The following FSTL4 variants were observed in gnomAD, a reference collection of about 807,000 sequenced individuals.
FSTL4 encodes the protein follistatin like 4.
FSTL4 carries 28 observed loss-of-function variants against 78.2 expected under a neutral mutation model. That is an observed-to-expected ratio of 0.36 (90% confidence interval 0.27 to 0.49). The LOEUF (loss-of-function observed/expected upper bound fraction) is 0.49. Ranked by LOEUF, FSTL4 falls within the 20% of genes least tolerant of loss-of-function variation. The probability of loss-of-function intolerance (pLI) is 0.98; values close to 1 mark genes in which losing one functional copy is unlikely to be tolerated. For missense variants in FSTL4, 922 were observed against 1,084.9 expected (o/e 0.85, Z 2.11); for synonymous variants, 422 against 440.5 (o/e 0.96, Z 0.53).
At chr5:133,818,537 G>A in the FSTL4 span, among the ~76,000 whole-genome samples, 5 of 152,094 alleles carry the variant, frequency 3.3e-5, no homozygotes, top group African/African-American at 1.2e-4. Flanking sequence ...TTCTGTGTAA[G>A]TGTTTCATTG....
At chr5:133,797,999 T>C in the FSTL4 span, among the ~76,000 whole-genome samples, 1 of 151,928 alleles carries the variant, frequency 6.6e-6, no homozygotes, top group Non-Finnish European at 1.5e-5. Flanking sequence ...ACACACACCA[T>C]TGTGCAAGGA....
At chr5:133,331,792 C>T (rs560604776) in intron 4 of FSTL4, among the ~76,000 whole-genome samples, 4 of 152,240 alleles carry the variant, frequency 2.6e-5, no homozygotes, top group East Asian at 1.9e-4. Context: ...CCAGCCATTT[C>T]GGGAGATCTT....
At chr5:133,267,751 G>A (rs1108125) in intron 6 of FSTL4, among the ~76,000 whole-genome samples, 3 of 152,134 alleles carry the variant, frequency 2.0e-5, no homozygotes, top group African/African-American at 4.8e-5. Context: ...TGCTAGATAG[G>A]TTCCAAGTGG....
chr5:133,343,272 G>T (rs1330250891), intron 4 of FSTL4, among the ~76,000 whole-genome samples: 1 of 152,224 alleles, frequency 6.6e-6, no homozygotes, highest in African/African-American at 2.4e-5. Flanking sequence ...TAGCTCTGAT[G>T]TGAAATGTCT....
intron 3 of FSTL4, among the ~76,000 whole-genome samples, chr5:133,454,468 C>T (rs576774033): frequency 6.6e-5 from 10 of 152,218 alleles, no homozygotes; most frequent in Non-Finnish European, 1.2e-4. Context: ...CACACAACTT[C>T]GGCATCAATC....
At chr5:133,267,688 GGGAA>G (rs1752675900) in intron 6 of FSTL4, among the ~76,000 whole-genome samples, 1 of 152,140 alleles carries the variant, frequency 6.6e-6, no homozygotes, top group Non-Finnish European at 1.5e-5. Flanking sequence ...AGACACACCT[GGGAA>G]GGAACTGCCT....
the FSTL4 span, among the ~76,000 whole-genome samples, chr5:133,703,656 T>C: frequency 1.3e-5 from 2 of 152,130 alleles, no homozygotes; most frequent in South Asian, 4.1e-4. Flanking sequence ...GAGCCATCTG[T>C]GAAAGGAGCA....
At chr5:133,206,883 C>T (rs1750529612) in intron 14 of FSTL4, among the ~76,000 whole-genome samples, 1 of 151,764 alleles carries the variant, frequency 6.6e-6, no homozygotes, top group African/African-American at 2.4e-5. Context: ...CCCAAGAATT[C>T]CTTGGTACAG....
the FSTL4 span, among the ~76,000 whole-genome samples, chr5:133,672,525 G>A: frequency 2.0e-5 from 3 of 152,254 alleles, no homozygotes; most frequent in Non-Finnish European, 2.9e-5. Context: ...ATGAATGTAT[G>A]AGTGAATAAA....
intron 6 of FSTL4, among the ~76,000 whole-genome samples, chr5:133,260,169 G>A (rs1054757362): frequency 1.3e-5 from 2 of 152,186 alleles, no homozygotes; most frequent in Admixed American, 6.5e-5. Flanking sequence ...CCGGCGGGCC[G>A]CTCGAGCAGC....
At chr5:133,732,885 G>A in the FSTL4 span, among the ~76,000 whole-genome samples, 1 of 152,228 alleles carries the variant, frequency 6.6e-6, no homozygotes, top group Non-Finnish European at 1.5e-5. Flanking sequence ...AGTGAACAGG[G>A]AGATGGATGC....
rs1580729963 is a variant in FSTL4 at position 133,470,681 on chromosome 5, G to A, written c.161-69695C>T. On this transcript the variant is annotated intron_variant, in intron 3 of 15. Coordinates refer to ENST00000265342, the MANE Select transcript of FSTL4 (RefSeq NM_015082.2). ...AATCGCTTGAACCCAGGAGGTGGAGGTTGCAGTGAGCCAAGATTGCACCAC... is the reference window on the plus strand; with the variant it reads ...AATCGCTTGAACCCAGGAGGTGGAGATTGCAGTGAGCCAAGATTGCACCAC... 4.6e-5 allele frequency among the ~76,000 whole-genome samples: 7 copies of A among 151,772 alleles called. 1 individual carries two copies. The highest frequency in any genetic ancestry group is 4.6e-4 in the Admixed American group (7 of 15,252).
the FSTL4 span, among the ~76,000 whole-genome samples, chr5:133,703,342 C>T: frequency 6.6e-6 from 1 of 152,184 alleles, no homozygotes; most frequent in African/African-American, 2.4e-5. Context: ...TAGCCATCAA[C>T]TTTGAAGGGC....
chr5:133,580,987 G>A (rs1760390140), intron 2 of FSTL4, among the ~76,000 whole-genome samples: 1 of 152,082 alleles, frequency 6.6e-6, no homozygotes, highest in Non-Finnish European at 1.5e-5. Context: ...CCTCACTCAG[G>A]GTCTGGTGAT....
the FSTL4 span, among the ~76,000 whole-genome samples, chr5:133,644,436 C>T: frequency 6.6e-6 from 1 of 152,166 alleles, no homozygotes; most frequent in African/African-American, 2.4e-5. Flanking sequence ...CCTTTAGCCC[C>T]TGCTCTCTGC....
rs751344437 is a variant in FSTL4, at chr5:133,537,862, CAT to C, written c.160+29322_160+29323del. Among the ~76,000 whole-genome samples, 678 of 151,484 alleles carry C rather than the reference CAT, an allele frequency of 4.5e-3. 1 individual carries two copies. Among genetic ancestry groups the C allele is most frequent in the African/African-American group, 7.7e-3 (319 of 41,270 alleles). On this transcript the variant is annotated intron_variant, in intron 3 of 15. Coordinates refer to ENST00000265342, the MANE Select transcript of FSTL4 (RefSeq NM_015082.2). ...GTGTGTGTGTATCTATATGTACACA[CAT>C]ATATATATAAATATATAGGCATACA...
At chr5:133,298,928 C>T (rs902055346) in intron 6 of FSTL4, among the ~76,000 whole-genome samples, 1 of 152,314 alleles carries the variant, frequency 6.6e-6, no homozygotes, top group East Asian at 1.9e-4. Flanking sequence ...TTGTAAGGAC[C>T]GCACTTCTCC....
chr5:133,519,055 CTT>C (rs1337017706), intron 3 of FSTL4, among the ~76,000 whole-genome samples: 1 of 152,152 alleles, frequency 6.6e-6, no homozygotes, highest in African/African-American at 2.4e-5. Flanking sequence ...GAAGAAAAAA[CTT>C]TTGTAAAACC....
At chr5:133,510,482 C>T (rs76483571) in intron 3 of FSTL4, among the ~76,000 whole-genome samples, 10,442 of 152,144 alleles carry the variant, frequency 0.069, 401 homozygotes, top group Non-Finnish European at 0.076. Flanking sequence ...CAGCTCTCCA[C>T]GATTCATTTA....
Sources: allele counts gnomAD v4.1 joint callset (sites outside exome capture counted in the v4.1 genomes callset), GRCh38; gene constraint gnomAD v4.1.1; transcripts MANE v1.5; gene names NCBI Gene and HGNC (gene_info 2026-07-23, HGNC 2026-07-21).